The following CDKAL1 variants were observed in gnomAD, a reference collection of about 807,000 sequenced individuals.
CDKAL1 encodes CDKAL1 threonylcarbamoyladenosine tRNA methylthiotransferase, also known as threonylcarbamoyladenosine tRNA methylthiotransferase.
CDKAL1 carries 32 observed loss-of-function variants against 68.2 expected under a neutral mutation model. The observed-to-expected ratio is 0.47, with a 90% confidence interval of 0.35 to 0.63. The LOEUF is 0.63. Among genes scored for constraint, CDKAL1 ranks in the 30% least tolerant of loss-of-function variants. The probability of loss-of-function intolerance (pLI) is 0.00; values close to 1 mark genes in which losing one functional copy is unlikely to be tolerated. For synonymous variants in CDKAL1, 234 were observed against 244.3 expected (o/e 0.96, Z 0.39); for missense variants, 606 against 696.7 (o/e 0.87, Z 1.47).
intron 4 of CDKAL1, among the ~76,000 whole-genome samples, chr6:20,618,667 ATTTTATCAATTCTTTTCG>A (rs1415203629): frequency 1.3e-5 from 2 of 151,716 alleles, no homozygotes; most frequent in East Asian, 1.9e-4. Context: ...CTCAGTTTTC[ATTTTATCAATTCTTTTCG>A]TTTTTTTTTT....
intron 4 of CDKAL1, among the ~76,000 whole-genome samples, chr6:20,610,235 A>T (rs940945895): frequency 1.6e-4 from 25 of 152,216 alleles, no homozygotes; most frequent in African/African-American, 5.5e-4. Context: ...TGCTACAAAG[A>T]ATATACACTT....
At chr6:20,649,519 T>C (rs1768649198) in intron 5 of CDKAL1, 142 bp downstream of exon 5, 1 of 539,096 alleles carries the variant, frequency 1.9e-6, no homozygotes, top group Non-Finnish European at 3.2e-6. Context: ...TATACTATTT[T>C]GAATTTGTCT....
intron 11 of CDKAL1, among the ~76,000 whole-genome samples, chr6:21,012,936 C>T (rs1322639573): frequency 6.6e-6 from 1 of 152,202 alleles, no homozygotes; most frequent in African/African-American, 2.4e-5. Flanking sequence ...GCCTTTTAGT[C>T]TGTTTCTTGT....
intron 9 of CDKAL1, among the ~76,000 whole-genome samples, chr6:20,886,238 T>C (rs1307677535): frequency 6.6e-6 from 1 of 152,078 alleles, no homozygotes; most frequent in Non-Finnish European, 1.5e-5. Flanking sequence ...AGAAACTAAG[T>C]GTTGGTGAGG....
intron 9 of CDKAL1, among the ~76,000 whole-genome samples, chr6:20,948,911 C>G (rs1236512460): frequency 6.6e-6 from 1 of 152,132 alleles, no homozygotes; most frequent in Admixed American, 6.5e-5. Context: ...TTTGAACTTT[C>G]CATTATTTCC....
At position 21,092,515 on chromosome 6, in the gene CDKAL1, G is replaced by C. The variant is rs112763597; in HGVS notation, c.1237-15886G>C. Among the ~76,000 whole-genome samples the C allele has an allele frequency of 7.3e-4, 111 of 152,052 alleles. 1 individual carries two copies. Among genetic ancestry groups the C allele is most frequent in the Admixed American group, 1.4e-3 (21 of 15,272 alleles). ...TCCCACTTACGAGTGAGAACATGTG[G>C]TGTTTGGTTTTCTGTTCCTGTTTTA... On this transcript the variant is annotated intron_variant, in intron 12 of 15. Transcript: ENST00000274695.
intron 5 of CDKAL1, among the ~76,000 whole-genome samples, chr6:20,703,233 G>T (rs1418963508): frequency 6.6e-6 from 1 of 152,168 alleles, no homozygotes; most frequent in East Asian, 1.9e-4. Context: ...GACAAATCTA[G>T]CCTGTTGCCT....
chr6:20,793,467 T>C (rs563278492), intron 8 of CDKAL1, among the ~76,000 whole-genome samples: 5 of 152,256 alleles, frequency 3.3e-5, no homozygotes, highest in African/African-American at 1.2e-4. Flanking sequence ...TCCTGTTGTT[T>C]CCATGATGCC....
At chr6:21,033,352 T>C (rs534229806) in intron 11 of CDKAL1, among the ~76,000 whole-genome samples, 1 of 152,310 alleles carries the variant, frequency 6.6e-6, no homozygotes, top group South Asian at 2.1e-4. Flanking sequence ...CTTTTTTAAC[T>C]AGTGCTTGAC....
chr6:20,809,385 C>T (rs1041799456), intron 8 of CDKAL1, among the ~76,000 whole-genome samples: 2 of 152,100 alleles, frequency 1.3e-5, no homozygotes, highest in Non-Finnish European at 2.9e-5. Context: ...TTTCCAAAAT[C>T]AAATTTAGAA....
At chr6:20,794,740 C>G (rs891213971) in intron 8 of CDKAL1, among the ~76,000 whole-genome samples, 8 of 152,036 alleles carry the variant, frequency 5.3e-5, no homozygotes, top group Admixed American at 2.0e-4. Flanking sequence ...AGATTGTACT[C>G]ACTTTTAGGA....
At chr6:20,999,734 AC>A (rs1767332181) in intron 10 of CDKAL1, among the ~76,000 whole-genome samples, 1 of 149,448 alleles carries the variant, frequency 6.7e-6, no homozygotes, top group African/African-American at 2.4e-5. Flanking sequence ...TTTTTTTTGT[AC>A]AAATATGTCA....
chr6:21,147,688 A>G (rs1444377928), intron 13 of CDKAL1, among the ~76,000 whole-genome samples: 1 of 152,162 alleles, frequency 6.6e-6, no homozygotes, highest in Non-Finnish European at 1.5e-5. Context: ...AATCACTTCC[A>G]TTTGGCAAAA....
chr6:21,142,123 CTG>C (rs1181802788), intron 13 of CDKAL1, among the ~76,000 whole-genome samples: 2 of 152,020 alleles, frequency 1.3e-5, no homozygotes, highest in African/African-American at 4.8e-5. Flanking sequence ...CCAGCAATGA[CTG>C]TGTTTTGTAC....
At chr6:20,736,398 T>A (rs990849001) in intron 5 of CDKAL1, among the ~76,000 whole-genome samples, 1 of 152,194 alleles carries the variant, frequency 6.6e-6, no homozygotes, top group African/African-American at 2.4e-5. Flanking sequence ...GGCATTATCT[T>A]TGATTCCTCC....
intron 4 of CDKAL1, among the ~76,000 whole-genome samples, chr6:20,629,956 C>T (rs755315713): frequency 2.0e-5 from 3 of 152,068 alleles, no homozygotes; most frequent in Non-Finnish European, 2.9e-5. Context: ...TGGATTCAAG[C>T]GATTCTCTTC....
At chr6:20,634,534 G>A (rs762469120) in intron 4 of CDKAL1, among the ~76,000 whole-genome samples, 62 of 152,190 alleles carry the variant, frequency 4.1e-4, no homozygotes, top group Non-Finnish European at 7.2e-4. Context: ...GGAGATTATT[G>A]CAATGGTCCA....
At position 20,829,858 on chromosome 6, in the gene CDKAL1, T is replaced by A. The variant is rs1777642762; in HGVS notation, c.639-16217T>A. On this transcript the variant is annotated intron_variant, in intron 8 of 15. Coordinates refer to ENST00000274695, the MANE Select transcript of CDKAL1 (RefSeq NM_017774.3). The stretch of plus-strand genomic sequence containing the variant: ...TTATGCAAATGATTTTTACAGTAGG[T>A]TTGCTGTTATTTACTTTTATTATTA... 2.0e-5 allele frequency among the ~76,000 whole-genome samples: 3 copies of A among 152,176 alleles called. No homozygotes were observed. In the South Asian group the frequency reaches 6.2e-4, roughly 32 times the overall value.
intron 6 of CDKAL1, among the ~76,000 whole-genome samples, chr6:20,747,046 T>A (rs1773693697): frequency 6.6e-6 from 1 of 152,166 alleles, no homozygotes; most frequent in South Asian, 2.1e-4. Context: ...TTCTCTGTAT[T>A]TGACTTGTTT....
Sources: allele counts gnomAD v4.1 joint callset (sites outside exome capture counted in the v4.1 genomes callset), GRCh38; gene constraint gnomAD v4.1.1; transcripts MANE v1.5; gene names NCBI Gene and HGNC (gene_info 2026-07-23, HGNC 2026-07-21).